The following MTAP variants were observed in gnomAD, a reference collection of about 807,000 sequenced individuals.
The protein encoded by MTAP is S-methyl-5'-thioadenosine phosphorylase.
MTAP carries 33 observed loss-of-function variants against 33.6 expected under a neutral mutation model. The ratio of observed to expected loss-of-function variants is 0.98; its 90% CI spans 0.74 to 1.31. The LOEUF (loss-of-function observed/expected upper bound fraction) is 1.31. Among genes scored for constraint, MTAP ranks in the 40% most tolerant of loss-of-function variants. The pLI, the probability that MTAP is intolerant of heterozygous loss-of-function variation, is 0.00. For synonymous variants in MTAP, 148 were observed against 125.7 expected (o/e 1.18, Z -1.19); for missense variants, 367 against 360.0 (o/e 1.02, Z -0.16).
intron 4 of MTAP, among the ~76,000 whole-genome samples, chr9:21,834,677 C>G (rs886845854): frequency 6.6e-6 from 1 of 152,312 alleles, no homozygotes; most frequent in East Asian, 1.9e-4. Context: ...CATGTGAGGA[C>G]TCATGTGAAG....
At chr9:21,844,306 A>G (rs771075529) in intron 5 of MTAP, among the ~76,000 whole-genome samples, 16 of 152,350 alleles carry the variant, frequency 1.1e-4, no homozygotes, top group Non-Finnish European at 1.9e-4. Flanking sequence ...CAGACATTCA[A>G]AGAACTGGTA....
intron 1 of MTAP, among the ~76,000 whole-genome samples, chr9:21,896,624 T>C (rs968287487): frequency 5.3e-5 from 8 of 152,140 alleles, no homozygotes; most frequent in Admixed American, 2.6e-4. Context: ...GCAAATAAAC[T>C]AGAAAATCTA....
At position 21,937,635 on chromosome 9, in the gene MTAP, TTCTC is replaced by T. The variant is rs374167450; in HGVS notation, c.*6438_*6441del. On this transcript the variant is annotated 3_prime_UTR_variant, in exon 8 of 8. Transcript: ENST00000580900. Reference sequence around the variant, plus strand: ...GTTTTGTTTTTACAGTTATTAAACTTTCTCTATTTGCCTTTGAAACCTCTTAGTT... The same window carrying T: ...GTTTTGTTTTTACAGTTATTAAACTTTATTTGCCTTTGAAACCTCTTAGTT... 343 of 152,364 alleles carry T rather than the reference TTCTC, an allele frequency of 2.3e-3. 1 individual carries two copies. Among genetic ancestry groups the T allele is most frequent in the African/African-American group, 7.7e-3 (322 of 41,590 alleles). 9.4% of individuals were successfully genotyped at this position (152,364 alleles called of 1,614,324 possible). A position where few individuals can be genotyped will look rare whatever the true frequency, so the allele number is the denominator to read the frequency against.
At chr9:21,822,115 G>A (rs1208482160) in intron 4 of MTAP, among the ~76,000 whole-genome samples, 1 of 151,900 alleles carries the variant, frequency 6.6e-6, no homozygotes, top group Non-Finnish European at 1.5e-5. Flanking sequence ...TGGGTTTTTT[G>A]TGTCTCTATC....
downstream of MTAP, among the ~76,000 whole-genome samples, chr9:21,939,645 C>T (rs185215179): frequency 2.2e-4 from 33 of 152,156 alleles, no homozygotes; most frequent in Admixed American, 6.5e-4. Flanking sequence ...GGGCTGATCA[C>T]TTGAGGCCAA....
downstream of MTAP, chr9:21,933,139 A>G (rs1196291578): frequency 6.6e-6 from 1 of 152,222 alleles, no homozygotes; most frequent in East Asian, 1.9e-4. Context: ...GGTATAGAAC[A>G]TGCTTTGCCC....
At chr9:21,815,590 TA>T (rs4007652) in intron 2 of MTAP, 71 bp downstream of exon 2, 1,251 of 756,670 alleles carry the variant, frequency 1.7e-3, no homozygotes, top group Non-Finnish European at 2.1e-3. Flanking sequence ...ATTTTTGAAT[TA>T]AAAAAAAAAA....
chr9:21,889,448 G>A (rs531175405), intron 1 of MTAP, among the ~76,000 whole-genome samples: 1 of 152,018 alleles, frequency 6.6e-6, no homozygotes, highest in Non-Finnish European at 1.5e-5. Context: ...TCTTTTGGGG[G>A]TGTTATAGCA....
At chr9:21,909,366 T>C (rs2118838972) in intron 1 of MTAP, among the ~76,000 whole-genome samples, 1 of 152,218 alleles carries the variant, frequency 6.6e-6, no homozygotes, top group Admixed American at 6.5e-5. Context: ...AAATATCCAA[T>C]GTTGAAAGAG....
chr9:21,808,566 T>C (rs1824265772), intron 1 of MTAP, among the ~76,000 whole-genome samples: 1 of 146,392 alleles, frequency 6.8e-6, no homozygotes, highest in South Asian at 2.1e-4. Context: ...TCCAGCAGCC[T>C]GGGTGACAAA....
chr9:21,910,039 A>C (rs1563867278), intron 1 of MTAP, among the ~76,000 whole-genome samples: 1 of 152,200 alleles, frequency 6.6e-6, no homozygotes, highest in East Asian at 1.9e-4. Flanking sequence ...GGCCCGGGTC[A>C]GAAAAGGGAC....
chr9:21,831,491 G>A (rs911534856), intron 4 of MTAP, among the ~76,000 whole-genome samples: 8 of 119,364 alleles, frequency 6.7e-5, no homozygotes, highest in African/African-American at 9.1e-5. Context: ...CACTGTGCTT[G>A]GTAATTTTTT....
intron 1 of MTAP, among the ~76,000 whole-genome samples, chr9:21,872,266 C>T (rs1825948658): frequency 1.3e-5 from 2 of 152,164 alleles, no homozygotes; most frequent in African/African-American, 4.8e-5. Flanking sequence ...TGCAGTGAGC[C>T]AAGATTGCGC....
At position 21,816,747 on chromosome 9, in the gene MTAP, A is replaced by C; in HGVS notation, c.154A>C (p.Asn52His). The change falls in exon 3 of 8, where the codon AAT (asparagine) becomes CAT (histidine). Residue 52 changes from asparagine (N) to histidine (H), a missense_variant. Coordinates refer to ENST00000644715, the MANE Select transcript of MTAP (RefSeq NM_002451.4). ...SDALILGKIKNVDCVLLARHG... is the reference protein window; with the variant it reads ...SDALILGKIKHVDCVLLARHG... ...TGCCTTAATTTTGGGGAAGATAAAA[A>C]ATGTTGATTGCGTCCTCCTTGCAAG... The C allele has an allele frequency of 1.9e-6, 3 of 1,612,360 alleles. No homozygotes were observed. The highest frequency in any genetic ancestry group is 2.5e-6 in the Non-Finnish European group (3 of 1,179,350).
chr9:21,834,964 C>A (rs1825067238), intron 4 of MTAP, among the ~76,000 whole-genome samples: 1 of 152,122 alleles, frequency 6.6e-6, no homozygotes, highest in Non-Finnish European at 1.5e-5. Flanking sequence ...GTGTCTTAGT[C>A]TGTTCAGGTT....
chr9:21,890,238 C>G (rs1222830420), intron 1 of MTAP, among the ~76,000 whole-genome samples: 1 of 152,102 alleles, frequency 6.6e-6, no homozygotes, highest in Admixed American at 6.5e-5. Flanking sequence ...CTGATAGTGA[C>G]CAGCCTCACC....
At chr9:21,940,070 C>T (rs993262765), downstream of MTAP, among the ~76,000 whole-genome samples, 28 of 152,178 alleles carry the variant, frequency 1.8e-4, no homozygotes, top group African/African-American at 5.5e-4. Context: ...CACCTGAGGT[C>T]GGGAGTTTGA....
At chr9:21,938,049 G>C (rs1819068787), downstream of MTAP, among the ~76,000 whole-genome samples, 1 of 152,146 alleles carries the variant, frequency 6.6e-6, no homozygotes, top group South Asian at 2.1e-4. Flanking sequence ...AAGGTGGGCT[G>C]ATTGCCTGAG....
chr9:21,830,692 C>G (rs907027228), intron 4 of MTAP, among the ~76,000 whole-genome samples: 4 of 152,170 alleles, frequency 2.6e-5, no homozygotes, highest in Non-Finnish European at 4.4e-5. Flanking sequence ...TGTATGCACA[C>G]CTGGCTCTCA....
Sources: gnomAD v4.1 joint callset for allele counts (sites outside exome capture counted in the v4.1 genomes callset) on GRCh38, gnomAD v4.1.1 for gene constraint, MANE v1.5 for transcripts, NCBI Gene and HGNC (gene_info 2026-07-23, HGNC 2026-07-21) for gene names.